TCF7L2: variants seen among roughly 807,000 people sequenced by gnomAD.
TCF7L2 encodes the protein transcription factor 7 like 2, also known as transcription factor 7-like 2.
In TCF7L2, 23 loss-of-function variants were observed where a neutral mutation model predicts 77.9. The ratio of observed to expected loss-of-function variants is 0.30; its 90% confidence interval spans 0.21 to 0.42. The LOEUF (loss-of-function observed/expected upper bound fraction) is 0.42, where lower values mean the gene tolerates loss of function less well. Among genes scored for constraint, TCF7L2 ranks in the 10% least tolerant of loss-of-function variants. The pLI is 1.00. For synonymous variants in TCF7L2, 413 were observed against 340.2 expected (o/e 1.21, Z -2.36); for missense variants, 654 against 793.1 (o/e 0.82, Z 2.11).
intron 5 of TCF7L2, among the ~76,000 whole-genome samples, chr10:113,077,208 C>A (rs181705867): frequency 3.7e-4 from 56 of 152,274 alleles, no homozygotes; most frequent in African/African-American, 1.3e-3. Context: ...AATAATAATT[C>A]TTATCCTGCC....
chr10:112,964,714 A>AATGATGATGATGATG, intron 4 of TCF7L2, 90 bp downstream of exon 4: 1 of 949,420 alleles, frequency 1.1e-6, no homozygotes, highest in South Asian at 1.3e-5. Context: ...CAACTGAGAT[A>AATGATGATGATGATG]ATGATGATGA....
intron 4 of TCF7L2, among the ~76,000 whole-genome samples, chr10:112,998,041 A>G (rs1237100832): frequency 6.6e-6 from 1 of 152,116 alleles, no homozygotes; most frequent in African/African-American, 2.4e-5. Flanking sequence ...GATTTACTAT[A>G]GAAGATGCAG....
chr10:113,064,648 C>A (rs180711958), intron 5 of TCF7L2, among the ~76,000 whole-genome samples: 13 of 152,262 alleles, frequency 8.5e-5, no homozygotes. Flanking sequence ...TTGGAAAATG[C>A]GATAATGATG....
intron 4 of TCF7L2, among the ~76,000 whole-genome samples, chr10:112,992,575 C>A (rs545062192): frequency 1.3e-5 from 2 of 152,078 alleles, no homozygotes; most frequent in Admixed American, 1.3e-4. Context: ...ATTGCGTTAT[C>A]TTTACCAAGT....
intron 5 of TCF7L2, among the ~76,000 whole-genome samples, chr10:113,046,474 G>T (rs1180117987): frequency 1.3e-5 from 2 of 152,090 alleles, no homozygotes; most frequent in Non-Finnish European, 2.9e-5. Flanking sequence ...GGGAGCTGCA[G>T]TCTCTCTCCT....
At chr10:112,981,391 GT>G (rs1238978772) in intron 4 of TCF7L2, among the ~76,000 whole-genome samples, 1 of 152,070 alleles carries the variant, frequency 6.6e-6, no homozygotes, top group Non-Finnish European at 1.5e-5. Flanking sequence ...AAATTTGCCA[GT>G]TTATCTCTAT....
intron 5 of TCF7L2, among the ~76,000 whole-genome samples, chr10:113,101,939 G>GACC (rs1277180792): frequency 1.3e-5 from 2 of 149,988 alleles, no homozygotes; most frequent in African/African-American, 4.9e-5. Context: ...AGGAGTTTGA[G>GACC]ACCAGCCTGG....
chr10:113,126,703 G>A (rs2065668363), intron 5 of TCF7L2: 10 of 985,464 alleles, frequency 1.0e-5, no homozygotes, highest in Non-Finnish European at 1.2e-5. Flanking sequence ...GTCTGGCGGC[G>A]CTGCTGGTGT....
At chr10:113,053,639 G>A (rs1290477194) in intron 5 of TCF7L2, among the ~76,000 whole-genome samples, 1 of 152,132 alleles carries the variant, frequency 6.6e-6, no homozygotes, top group Non-Finnish European at 1.5e-5. Context: ...AGAAAACTTA[G>A]AGGTCTAGTG....
rs575968831 is a variant in TCF7L2 at position 113,033,405 on chromosome 10, C to T, written c.451-6620C>T. 3.5e-3 allele frequency among the ~76,000 whole-genome samples: 536 copies of T among 151,966 alleles called. 8 individuals carry two copies. Among genetic ancestry groups the T allele is most frequent in the South Asian group, 0.02 (95 of 4,816 alleles). On this transcript the variant is annotated intron_variant, in intron 4 of 13. Coordinates refer to ENST00000627217, the MANE Select transcript of TCF7L2 (RefSeq NM_001146274.2). ...TCCCAAGTAGCTGGGACCACAGGCA[C>T]GCGCCACCACACTCAGCTAATTTTT...
At chr10:113,007,682 G>T (rs2045803141) in intron 4 of TCF7L2, among the ~76,000 whole-genome samples, 1 of 152,234 alleles carries the variant, frequency 6.6e-6, no homozygotes, top group Admixed American at 6.5e-5. Context: ...AATTCAGGCT[G>T]TAGTCAGAGC....
intron 8 of TCF7L2, among the ~76,000 whole-genome samples, chr10:113,147,750 G>T (rs1453328602): frequency 6.6e-6 from 1 of 152,080 alleles, no homozygotes; most frequent in Non-Finnish European, 1.5e-5. Flanking sequence ...TGTTTATTTG[G>T]TGCGTTCTGG....
intron 5 of TCF7L2, among the ~76,000 whole-genome samples, chr10:113,082,855 T>A (rs954601782): frequency 1.3e-5 from 2 of 152,002 alleles, no homozygotes; most frequent in African/African-American, 4.8e-5. Context: ...CATCCTCATA[T>A]GCTGTGTCAA....
chr10:112,989,434 CTG>C (rs1238987750), intron 4 of TCF7L2, among the ~76,000 whole-genome samples: 2 of 151,284 alleles, frequency 1.3e-5, no homozygotes, highest in African/African-American at 4.9e-5. Flanking sequence ...GTCCTAGAAA[CTG>C]TCTTAATTCA....
Position 113,166,091 on chromosome 10 carries a change from C to G in TCF7L2, c.*119C>G. The stretch of plus-strand genomic sequence containing the variant: ...ACTCTCTTAATTTTGTGCCATGTGG[C>G]TACATTAGTTGATGTTTATCGAGTT... On this transcript the variant is annotated 3_prime_UTR_variant, in exon 14 of 14. Transcript: ENST00000627217. 1 of 900,862 alleles carries G rather than the reference C, an allele frequency of 1.1e-6. No homozygotes were observed. Among genetic ancestry groups the G allele is most frequent in the Non-Finnish European group, 1.5e-6 (1 of 661,468 alleles). 55.8% of individuals were successfully genotyped at this position (900,862 alleles called of 1,614,324 possible).
intron 4 of TCF7L2, among the ~76,000 whole-genome samples, chr10:112,971,276 T>C (rs1300475414): frequency 6.6e-6 from 1 of 152,164 alleles, no homozygotes; most frequent in Non-Finnish European, 1.5e-5. Context: ...TCCAGTGTAG[T>C]CCAGGAGTTA....
chr10:113,127,668 G>GCA (rs2065873913), intron 5 of TCF7L2, among the ~76,000 whole-genome samples: 2 of 151,864 alleles, frequency 1.3e-5, no homozygotes, highest in African/African-American at 2.4e-5. Flanking sequence ...TTTTTTGTGG[G>GCA]AATGTTCTAA....
At position 113,039,983 on chromosome 10, in the gene TCF7L2, G is replaced by T. The variant is rs541524468; in HGVS notation, c.451-42G>T. The T allele has an allele frequency of 4.4e-6, 7 of 1,574,422 alleles. No homozygotes were observed. In the South Asian group the frequency reaches 6.8e-5, roughly 15 times the overall value. ...GCTAGTTGTTCTGCATTTACTTTCT[G>T]AATTCATTGTTTTTCATTTCACTTT... On this transcript the variant is annotated intron_variant, in intron 4 of 13. Transcript: ENST00000627217.
intron 5 of TCF7L2, among the ~76,000 whole-genome samples, chr10:113,049,394 G>A (rs910485834): frequency 1.4e-4 from 22 of 151,880 alleles, no homozygotes; most frequent in Admixed American, 1.2e-3. Flanking sequence ...TGGCATCGTC[G>A]ATTGCTCTTT....
Sources: allele counts gnomAD v4.1 joint callset (sites outside exome capture counted in the v4.1 genomes callset), GRCh38; gene constraint gnomAD v4.1.1; transcripts MANE v1.5; gene names NCBI Gene and HGNC (gene_info 2026-07-23, HGNC 2026-07-21).